The following CCDC88C variants were observed in gnomAD, a reference collection of about 807,000 sequenced individuals.
CCDC88C encodes the protein coiled-coil and HOOK domain protein 88C.
CCDC88C carries 131 observed loss-of-function variants against 198.8 expected under a neutral mutation model. The ratio of observed to expected loss-of-function variants is 0.66; its 90% CI spans 0.57 to 0.76. The LOEUF (loss-of-function observed/expected upper bound fraction) is 0.76, where lower values mean the gene tolerates loss of function less well. Ranked by LOEUF, CCDC88C falls within the 30% of genes least tolerant of loss-of-function variation. The pLI is 0.00. For missense variants in CCDC88C, 2,553 were observed against 2,631.6 expected, an observed-to-expected ratio of 0.97 and a Z score of 0.65; for synonymous variants, 1,166 against 1,114.7, an observed-to-expected ratio of 1.05 and a Z score of -0.92.
intron 3 of CCDC88C, among the ~76,000 whole-genome samples, chr14:91,375,934 G>GGAT (rs1186172981): frequency 6.6e-6 from 1 of 152,218 alleles, no homozygotes; most frequent in Non-Finnish European, 1.5e-5. Flanking sequence ...CAGACAGTAA[G>GGAT]GATGTGCCCT....
chr14:91,380,022 A>G, intron 3 of CCDC88C: 1 of 642,048 alleles, frequency 1.6e-6, no homozygotes, highest in Middle Eastern at 2.5e-4. Context: ...TCCACGCTGA[A>G]GGTCCTTTCT....
chr14:91,319,453 G>C (rs1340678808), intron 13 of CCDC88C, among the ~76,000 whole-genome samples: 1 of 152,242 alleles, frequency 6.6e-6, no homozygotes, highest in Admixed American at 6.5e-5. Context: ...AGGGGAGGGA[G>C]AAAGCACTGA....
chr14:91,414,777 A>G lies in CCDC88C; in HGVS notation c.161+1961T>C, dbSNP rs147539784. On this transcript the variant is annotated intron_variant, in intron 2 of 29. Transcript: ENST00000389857. ...CACTTCTTGAAGTCTTAAGAGCTAC[A>G]ATTTACCAGTTCCCACTTCTGGAAT... Among the ~76,000 whole-genome samples the G allele has an allele frequency of 4.2e-3, 639 of 152,264 alleles. 3 individuals carry two copies. Among genetic ancestry groups the G allele is most frequent in the African/African-American group, 0.014 (598 of 41,544 alleles).
chr14:91,409,773 A>G (rs922730418), intron 2 of CCDC88C, among the ~76,000 whole-genome samples: 57 of 152,206 alleles, frequency 3.7e-4, no homozygotes, highest in African/African-American at 1.2e-3. Context: ...GGTGTGAGCC[A>G]CTGTGCCAGG....
chr14:91,290,712 G>T (rs1239358752), intron 24 of CCDC88C, among the ~76,000 whole-genome samples: 1 of 152,212 alleles, frequency 6.6e-6, no homozygotes, highest in Non-Finnish European at 1.5e-5. Context: ...CCGCCATCCT[G>T]CTTGAGTGAC....
intron 20 of CCDC88C, among the ~76,000 whole-genome samples, chr14:91,301,584 G>A (rs1299278267): frequency 6.6e-6 from 1 of 152,206 alleles, no homozygotes; most frequent in Non-Finnish European, 1.5e-5. Context: ...GGGTGTGGTG[G>A]TGCATGCCTG....
At chr14:91,355,947 C>G (rs1441742070) in intron 4 of CCDC88C, among the ~76,000 whole-genome samples, 2 of 152,120 alleles carry the variant, frequency 1.3e-5, no homozygotes, top group East Asian at 1.9e-4. Context: ...TTACCCCAAA[C>G]TATAAAACGT....
intron 3 of CCDC88C, among the ~76,000 whole-genome samples, chr14:91,395,937 G>C (rs1278694686): frequency 6.6e-6 from 1 of 152,158 alleles, no homozygotes; most frequent in African/African-American, 2.4e-5. Context: ...TCAGAACTGG[G>C]GGTACAGAGT....
At position 91,339,227 on chromosome 14, in the gene CCDC88C, G is replaced by A. The variant is rs748040053; in HGVS notation, c.809+51C>T. On this transcript the variant is annotated intron_variant, in intron 8 of 29. Transcript: ENST00000389857. The surrounding 1 kb of genome is among the most constrained non-coding windows in gnomAD (Gnocchi z 5.8). The stretch of plus-strand genomic sequence containing the variant: ...ACACATGTGAGTCGACACCACACCA[G>A]AAACATGTCTGCAACACACACAAAG... 6.3e-7 allele frequency: 1 copy of A among 1,599,272 alleles called. No homozygotes were observed.
chr14:91,305,817 G>A lies in CCDC88C; in HGVS notation c.3305C>T (p.Ala1102Val). The change falls in exon 19 of 30, where the codon GCC (alanine) becomes GTC (valine). Residue 1102 changes from alanine (A) to valine (V), a missense_variant. Physicochemically the swap from Ala to Val is moderately conservative, Grantham distance 64. This residue lies in a region of CCDC88C where 1,260 missense variants were observed against 1,412.0 expected (regional missense o/e 0.89). Transcript: ENST00000389857. The part of the protein sequence containing the change: ...SQILTLQKQS[A>V]FLQEHNTTLQ... ...TGTGGTGTTGTGCTCCTGCAGGAAG[G>A]CGCTCTGTTTCTGCAGTGTCAAGAT... 1 of 1,613,838 alleles carries A rather than the reference G, an allele frequency of 6.2e-7. No homozygotes were observed. Among genetic ancestry groups the A allele is most frequent in the Non-Finnish European group, 8.5e-7 (1 of 1,179,742 alleles).
chr14:91,363,678 C>T (rs1210179603), intron 3 of CCDC88C, among the ~76,000 whole-genome samples: 2 of 152,370 alleles, frequency 1.3e-5, no homozygotes, highest in African/African-American at 2.4e-5. Context: ...GAACTGAGTA[C>T]CAGTTTTTAA....
intron 3 of CCDC88C, among the ~76,000 whole-genome samples, chr14:91,385,244 G>A (rs754836428): frequency 2.0e-5 from 3 of 152,080 alleles, no homozygotes; most frequent in Non-Finnish European, 2.9e-5. Flanking sequence ...CCAGCCCACC[G>A]CAGCCAGGGC....
intron 4 of CCDC88C, among the ~76,000 whole-genome samples, chr14:91,355,950 T>C (rs972209642): frequency 1.3e-5 from 2 of 152,074 alleles, no homozygotes; most frequent in African/African-American, 4.8e-5. Context: ...CCCCAAACTA[T>C]AAAACGTTAT....
At chr14:91,323,010 A>C (rs1892424557) in intron 12 of CCDC88C, among the ~76,000 whole-genome samples, 1 of 149,154 alleles carries the variant, frequency 6.7e-6, no homozygotes, top group African/African-American at 2.5e-5. Flanking sequence ...GGTTCAAGCG[A>C]TTCTCCGGCC....
intron 3 of CCDC88C, among the ~76,000 whole-genome samples, chr14:91,374,011 A>G (rs1230839310): frequency 6.6e-6 from 1 of 152,152 alleles, no homozygotes; most frequent in East Asian, 1.9e-4. Context: ...TGAGATCCTC[A>G]GGGTCCCCAG....
rs372295335 is a variant in CCDC88C, at chr14:91,277,994, C to G, written c.4986G>C (p.Ser1662=). The G allele has an allele frequency of 6.4e-7, 1 of 1,570,538 alleles. No individual in the cohort carries two copies. Among genetic ancestry groups the G allele is most frequent in the Non-Finnish European group, 8.7e-7 (1 of 1,155,920 alleles). Residue 1662 remains serine (S), a synonymous_variant, in exon 29 of 30, where the codon TCG becomes TCC. Transcript: ENST00000389857. ...APPYVGVRPC[S]ASPSSEMVTL... is the part of the protein sequence containing the mutation. The stretch of plus-strand genomic sequence containing the variant: ...TGACCATCTCACTGCTGGGGGAGGC[C>G]GAGCAGGGCCGCACTCCGACGTAGG...
intron 3 of CCDC88C, among the ~76,000 whole-genome samples, chr14:91,376,147 G>A (rs935453339): frequency 4.2e-5 from 5 of 118,078 alleles, no homozygotes; most frequent in African/African-American, 1.9e-4. Flanking sequence ...TGTCACTCCC[G>A]CTGCTGCCCC....
rs1893191022 is a variant in CCDC88C, at chr14:91,339,124, C to G, written c.809+154G>C. On this transcript the variant is annotated intron_variant, in intron 8 of 29. Coordinates refer to ENST00000389857, the MANE Select transcript of CCDC88C (RefSeq NM_001080414.4). The surrounding 1 kb of genome is among the most constrained non-coding windows in gnomAD (Gnocchi z 5.8). ...GGCCTCAGAAGGGGAGGCAGCTAGT[C>G]CGAGGTCAAAGAGTAAGCTCAGGGC... 8.1e-6 allele frequency: 7 copies of G among 862,404 alleles called. No homozygotes were observed. In the East Asian group the frequency reaches 1.9e-4, roughly 23 times the overall value. The allele number at this position is 862,404 out of a possible 1,614,324, so 53.4% of individuals were successfully genotyped here.
intron 3 of CCDC88C, among the ~76,000 whole-genome samples, chr14:91,397,510 T>C (rs1289800212): frequency 6.6e-6 from 1 of 152,120 alleles, no homozygotes; most frequent in African/African-American, 2.4e-5. Context: ...ACACATTCTC[T>C]CCATCTCCTT....
Sources: allele counts gnomAD v4.1 joint callset (sites outside exome capture counted in the v4.1 genomes callset), GRCh38; gene constraint gnomAD v4.1.1; regional missense constraint gnomAD v4.1.1; non-coding constraint Gnocchi (gnomAD v3.1); transcripts MANE v1.5; gene names NCBI Gene and HGNC (gene_info 2026-07-23, HGNC 2026-07-21).